Variants in WDFY3 observed in about 807,000 individuals in gnomAD.
The protein encoded by WDFY3 is WD repeat and FYVE domain-containing protein 3.
WDFY3 carries 66 observed loss-of-function variants against 409.6 expected under a neutral mutation model. That is an observed-to-expected ratio of 0.16 (90% CI 0.13 to 0.20). The LOEUF (loss-of-function observed/expected upper bound fraction) is 0.20, where lower values mean the gene tolerates loss of function less well. WDFY3 is among the 10% of genes least tolerant of loss of function. The pLI, the probability that WDFY3 is intolerant of heterozygous loss-of-function variation, is 1.00. For synonymous variants in WDFY3, 1,521 were observed against 1,537.1 expected (o/e 0.99, Z 0.25); for missense variants, 3,031 against 4,298.1 (o/e 0.71, Z 8.24).
intron 58 of WDFY3, 27 bp from the exon 59 acceptor site, chr4:84,693,059 T>C: frequency 1.2e-6 from 2 of 1,602,750 alleles, no homozygotes; most frequent in Non-Finnish European, 1.7e-6. Flanking sequence ...TGACTCACTT[T>C]ATAATGAAAG....
At chr4:84,772,155 T>C (rs2149429988) in intron 30 of WDFY3, among the ~76,000 whole-genome samples, 1 of 152,198 alleles carries the variant, frequency 6.6e-6, no homozygotes, top group South Asian at 2.1e-4. Flanking sequence ...ATAATGTAAA[T>C]AAGGCTGAAC....
At chr4:84,783,111 A>T (rs765280862) in intron 24 of WDFY3, 37 bp from the exon 25 acceptor site, 1 of 1,565,250 alleles carries the variant, frequency 6.4e-7, no homozygotes, top group Non-Finnish European at 8.8e-7. Context: ...TAATTATATA[A>T]GAACAGTTTC....
At chr4:84,696,849 A>G in intron 56 of WDFY3, 26 bp from the exon 57 acceptor site, 1 of 1,389,564 alleles carries the variant, frequency 7.2e-7, no homozygotes, top group Non-Finnish European at 9.9e-7. Flanking sequence ...CATTAAAAAT[A>G]AAAAAAAAGA....
chr4:84,698,979 C>A (rs773146653), intron 56 of WDFY3, among the ~76,000 whole-genome samples: 1 of 152,122 alleles, frequency 6.6e-6, no homozygotes, highest in Non-Finnish European at 1.5e-5. Context: ...TGAGCCACTG[C>A]GACCAGCCCC....
At chr4:84,892,856 T>G (rs1765131079) in intron 3 of WDFY3, among the ~76,000 whole-genome samples, 1 of 152,226 alleles carries the variant, frequency 6.6e-6, no homozygotes, top group East Asian at 1.9e-4. Context: ...AAATAGAATG[T>G]TCCCAGGGTT....
chr4:84,821,229 T>C lies in WDFY3; in HGVS notation c.1446A>G (p.Ala482=). The change falls in exon 11 of 68, where the codon GCA becomes GCG. Residue 482 remains alanine, a synonymous_variant. Coordinates refer to ENST00000295888, the MANE Select transcript of WDFY3 (RefSeq NM_014991.6). ...TTGTAAACTTAAGAAGTGTTTTCAT[T>C]GCAATAATGCTACAGTGATAAGAAG... The part of the protein sequence containing the change: ...SSSSYHCSII[A]MKTLLKFTRH... 4.3e-6 allele frequency: 7 copies of C among 1,613,780 alleles called. No individual in the cohort carries two copies. Among genetic ancestry groups the C allele is most frequent in the Non-Finnish European group, 5.9e-6 (7 of 1,179,826 alleles).
At chr4:84,696,238 A>G (rs1289920877) in intron 57 of WDFY3, 56 bp from the exon 58 acceptor site, 41 of 1,550,562 alleles carry the variant, frequency 2.6e-5, no homozygotes, top group Non-Finnish European at 3.6e-5. Flanking sequence ...TTGCTCAGAG[A>G]CTAGAAAAAC....
chr4:84,822,469 T>G (rs931667475), intron 10 of WDFY3, among the ~76,000 whole-genome samples: 1 of 152,084 alleles, frequency 6.6e-6, no homozygotes, highest in African/African-American at 2.4e-5. Flanking sequence ...TTGGGAAGAC[T>G]GCCTGAGGCC....
chr4:84,723,445 A>G (rs1735156111), intron 46 of WDFY3, among the ~76,000 whole-genome samples: 1 of 152,200 alleles, frequency 6.6e-6, no homozygotes, highest in Admixed American at 6.5e-5. Flanking sequence ...TAATTTTAAA[A>G]CTAACTTTTA....
chr4:84,764,132 C>A (rs917688492), intron 32 of WDFY3, among the ~76,000 whole-genome samples: 1 of 152,128 alleles, frequency 6.6e-6, no homozygotes, highest in South Asian at 2.1e-4. Context: ...ATTTTGCAAA[C>A]CACAATGTAC....
intron 64 of WDFY3, 90 bp downstream of exon 64, chr4:84,682,284 C>T: frequency 8.0e-7 from 1 of 1,245,746 alleles, no homozygotes; most frequent in Non-Finnish European, 1.1e-6. Flanking sequence ...ACCTTGGGCT[C>T]CTCTTTATGT....
Position 84,841,281 on chromosome 4 carries a change from A to G in WDFY3, c.305-18T>C. ...TGCAGCCTCTATAAAACCAAAGGGA[A>G]AGCCATTAAGTGGGGGAAAAGTCAC... On this transcript the variant is annotated intron_variant, in intron 5 of 67. Coordinates refer to ENST00000295888, the MANE Select transcript of WDFY3 (RefSeq NM_014991.6). The G allele has an allele frequency of 3.7e-6, 6 of 1,601,768 alleles. No homozygotes were observed. Among genetic ancestry groups the G allele is most frequent in the Non-Finnish European group, 5.1e-6 (6 of 1,175,804 alleles).
chr4:84,842,744 G>A (rs2150043999), intron 5 of WDFY3, among the ~76,000 whole-genome samples: 1 of 152,318 alleles, frequency 6.6e-6, no homozygotes, highest in African/African-American at 2.4e-5. Context: ...TCACACCACT[G>A]CACTCCAGCC....
At chr4:84,829,266 G>A (rs879874225) in intron 8 of WDFY3, 76 bp from the exon 9 acceptor site, 2 of 1,195,298 alleles carry the variant, frequency 1.7e-6, no homozygotes, top group African/African-American at 3.1e-5. Context: ...GTTAACTGTT[G>A]TTTAATGAAA....
chr4:84,954,024 GTTA>G (rs1357101723), intron 1 of WDFY3, among the ~76,000 whole-genome samples: 12 of 152,166 alleles, frequency 7.9e-5, no homozygotes, highest in Non-Finnish European at 1.5e-4. Context: ...ATGTTATAAA[GTTA>G]TTGAGGGCAG....
intron 1 of WDFY3, among the ~76,000 whole-genome samples, chr4:84,940,232 C>A (rs1253471006): frequency 6.6e-6 from 1 of 152,060 alleles, no homozygotes; most frequent in Non-Finnish European, 1.5e-5. Flanking sequence ...CAAGAGTTGC[C>A]TGCAACCCGT....
At chr4:84,816,122 C>T (rs140957908) in intron 13 of WDFY3, among the ~76,000 whole-genome samples, 4 of 152,128 alleles carry the variant, frequency 2.6e-5, no homozygotes, top group Non-Finnish European at 4.4e-5. Flanking sequence ...TTTCTCTGCC[C>T]TCGTCCTGGA....
At chr4:84,808,564 C>T (rs1231505416) in intron 14 of WDFY3, 147 bp from the exon 15 acceptor site, 1 of 629,242 alleles carries the variant, frequency 1.6e-6, no homozygotes, top group Non-Finnish European at 2.9e-6. Flanking sequence ...AACAAGACTA[C>T]AACACAAGCA....
chr4:84,801,710 G>C lies in WDFY3; in HGVS notation c.2762C>G (p.Pro921Arg). 1 of 1,612,600 alleles carries C rather than the reference G, an allele frequency of 6.2e-7. No individual in the cohort carries two copies. The highest frequency in any genetic ancestry group is 8.5e-7 in the Non-Finnish European group (1 of 1,179,592). Reference protein sequence around the residue: ...ALADEDHSLHPPLQRMFERLA... With the variant: ...ALADEDHSLHRPLQRMFERLA... ...TCGTTCAAACATCCGCTGCAGGGGC[G>C]GGTGCAGTGAGTGGTCCTCATCAGC... Residue 921 changes from proline to arginine, a missense_variant, in exon 17 of 68, where the codon CCG becomes CGG. By Grantham distance (103) the Pro-to-Arg change is moderately radical. This residue lies in a region of WDFY3 where 1,322 missense variants were observed against 1,697.9 expected (regional missense o/e 0.78). Transcript: ENST00000295888.
Sources: gnomAD v4.1 joint callset for allele counts (sites outside exome capture counted in the v4.1 genomes callset) on GRCh38, gnomAD v4.1.1 for gene constraint, gnomAD v4.1.1 regional missense constraint, MANE v1.5 for transcripts, NCBI Gene and HGNC (gene_info 2026-07-23, HGNC 2026-07-21) for gene names.